The following SEL1L2 variants were observed in gnomAD, a reference collection of about 807,000 sequenced individuals.
SEL1L2 encodes protein sel-1 homolog 2.
Under a neutral mutation model 98.8 loss-of-function variants are expected in SEL1L2, and 89 were observed. The ratio of observed to expected loss-of-function variants is 0.90; its 90% confidence interval spans 0.76 to 1.07. The LOEUF is 1.07. SEL1L2 is among the 50% of genes least tolerant of loss of function. SEL1L2 has a pLI of 0.00. For missense variants in SEL1L2, 788 were observed against 812.0 expected, an observed-to-expected ratio of 0.97 and a Z score of 0.36; for synonymous variants, 262 against 278.5, an observed-to-expected ratio of 0.94 and a Z score of 0.59.
At chr20:13,945,352 A>C (rs1301205414) in intron 2 of SEL1L2, among the ~76,000 whole-genome samples, 1 of 152,070 alleles carries the variant, frequency 6.6e-6, no homozygotes, top group East Asian at 1.9e-4. Context: ...AAAACAATGT[A>C]TTTCCTGAAT....
At position 13,865,155 on chromosome 20, in the gene SEL1L2, T is replaced by G; in HGVS notation, c.1645+12A>C. On this transcript the variant is annotated intron_variant, in intron 17 of 19. Coordinates refer to ENST00000284951, the MANE Select transcript of SEL1L2 (RefSeq NM_025229.2). ...GACCGGGTATGTGCTTATTTTTATC[T>G]GGGTTCCATACCTTGAATGGCAGCT... is the stretch of plus-strand genomic sequence containing the variant. The G allele has an allele frequency of 6.2e-7, 1 of 1,603,842 alleles. No individual in the cohort carries two copies. Among genetic ancestry groups the G allele is most frequent in the Non-Finnish European group, 8.5e-7 (1 of 1,172,500 alleles).
Position 13,874,128 on chromosome 20 carries a change from C to G in SEL1L2, c.1104+1910G>C, listed in dbSNP as rs2046326587. 1.3e-5 allele frequency among the ~76,000 whole-genome samples: 2 copies of G among 152,152 alleles called. 1 individual carries two copies. The highest frequency in any genetic ancestry group is 4.1e-4 in the South Asian group (2 of 4,822). ...AGTATGGAGATGGGGACGGGCCTGA[C>G]ATGCTCAGGGCGCAAGAGAGAACTG... On this transcript the variant is annotated intron_variant, in intron 12 of 19. Transcript: ENST00000284951.
chr20:13,924,695 G>T (rs2148268637), intron 3 of SEL1L2, among the ~76,000 whole-genome samples: 1 of 152,110 alleles, frequency 6.6e-6, no homozygotes, highest in East Asian at 1.9e-4. Context: ...AAACTGCTAG[G>T]GTTACAGGCG....
chr20:13,991,147 G>C (rs1413583609), upstream of SEL1L2, among the ~76,000 whole-genome samples: 1 of 152,146 alleles, frequency 6.6e-6, no homozygotes, highest in African/African-American at 2.4e-5. Context: ...CATCTCACAA[G>C]TGGTACCTTC....
At chr20:13,993,071 G>A (rs560840801), upstream of SEL1L2, among the ~76,000 whole-genome samples, 164 of 152,266 alleles carry the variant, frequency 1.1e-3, no homozygotes, top group Non-Finnish European at 2.1e-3. Flanking sequence ...GTGAGAAGAC[G>A]TGATCACTTC....
At chr20:13,900,539 A>G (rs1335449658) in intron 5 of SEL1L2, among the ~76,000 whole-genome samples, 1 of 152,190 alleles carries the variant, frequency 6.6e-6, no homozygotes, top group Non-Finnish European at 1.5e-5. Context: ...ATGGCTGAGT[A>G]GGAGATGAAC....
intron 2 of SEL1L2, among the ~76,000 whole-genome samples, chr20:13,951,003 G>A (rs1302791753): frequency 3.3e-5 from 5 of 152,092 alleles, no homozygotes; most frequent in Non-Finnish European, 5.9e-5. Context: ...GAGGCCGGGC[G>A]CGGTGGCTCA....
At chr20:13,875,941 T>A (rs2046406629) in intron 12 of SEL1L2, 97 bp downstream of exon 12, 1 of 911,322 alleles carries the variant, frequency 1.1e-6, no homozygotes, top group Non-Finnish European at 1.8e-6. Context: ...GCCCATTATC[T>A]GGGCTTGGGA....
intron 9 of SEL1L2, 36 bp downstream of exon 9, chr20:13,886,252 A>G: frequency 1.3e-6 from 2 of 1,509,156 alleles, no homozygotes; most frequent in South Asian, 1.2e-5. Context: ...TGTAATTTTC[A>G]TGTTCTAAAA....
intron 1 of SEL1L2, among the ~76,000 whole-genome samples, chr20:13,966,437 G>A (rs1391864951): frequency 6.6e-6 from 1 of 152,050 alleles, no homozygotes; most frequent in East Asian, 1.9e-4. Context: ...TCCTGCCTCA[G>A]CCTCTTGAGT....
rs539879860 is a variant in SEL1L2 at position 13,888,582 on chromosome 20, A to G, written c.550-70T>C. The stretch of plus-strand genomic sequence containing the variant: ...TCCTAATTATCTATATGGATAAGGG[A>G]TATCTTAAATGTCTGCTTCATAATA... On this transcript the variant is annotated intron_variant, in intron 5 of 19. Transcript: ENST00000284951. 4.3e-4 allele frequency: 288 copies of G among 665,494 alleles called. 2 individuals carry two copies. In the South Asian group the frequency reaches 5.0e-3, roughly 11 times the overall value. 41.2% of individuals were successfully genotyped at this position (665,494 alleles called of 1,614,324 possible).
At chr20:13,855,436 G>T (rs1435972543) in intron 18 of SEL1L2, among the ~76,000 whole-genome samples, 2 of 152,050 alleles carry the variant, frequency 1.3e-5, no homozygotes, top group Non-Finnish European at 2.9e-5. Flanking sequence ...GGATAGAGGG[G>T]TGGGTAGGAC....
chr20:13,966,298 CTTCTTCTTCTTCCTCTTCT>C (rs2051038027), intron 1 of SEL1L2, among the ~76,000 whole-genome samples: 1 of 151,956 alleles, frequency 6.6e-6, no homozygotes, highest in African/African-American at 2.4e-5. Context: ...CTTGCCTCTT[CTTCTTCTTCTTCCTCTTCT>C]TTCTTCTTTC....
At position 13,888,143 on chromosome 20, in the gene SEL1L2, C is replaced by A. The variant is rs2148000400; in HGVS notation, c.604-142G>T. On this transcript the variant is annotated intron_variant, in intron 6 of 19. Coordinates refer to ENST00000284951, the MANE Select transcript of SEL1L2 (RefSeq NM_025229.2). ...TCCAAAATAAATTTCAAATTTCACT[C>A]TCCTTTGTAAAGATGTTTGCCATTT... 3 of 719,194 alleles carry A rather than the reference C, an allele frequency of 4.2e-6. No homozygotes were observed. The East Asian group carries it at 8.0e-5, about 19-fold the overall frequency. 44.6% of individuals were successfully genotyped at this position (719,194 alleles called of 1,614,324 possible).
At chr20:13,987,448 C>T (rs1220851444) in intron 1 of SEL1L2, among the ~76,000 whole-genome samples, 3 of 151,486 alleles carry the variant, frequency 2.0e-5, no homozygotes, top group Non-Finnish European at 4.4e-5. Context: ...GGGGTTCAAG[C>T]GATTCTCCTG....
rs574093589 is a variant in SEL1L2 at position 13,952,798 on chromosome 20, A to G, written c.114+3278T>C. Among the ~76,000 whole-genome samples, 47 of 152,304 alleles carry G rather than the reference A, an allele frequency of 3.1e-4. 1 individual carries two copies. In the South Asian group the frequency reaches 9.5e-3, roughly 31 times the overall value. ...GTAATCCCAGCACTTTGGGAGGCCAAGGCGGGCAGATCACGAGGTCAAAAG... is the reference window on the plus strand; with the variant it reads ...GTAATCCCAGCACTTTGGGAGGCCAGGGCGGGCAGATCACGAGGTCAAAAG... On this transcript the variant is annotated intron_variant, in intron 2 of 19. Transcript: ENST00000284951.
At position 13,887,869 on chromosome 20, in the gene SEL1L2, C is replaced by T. The variant is rs2047029444; in HGVS notation, c.664-19G>A. On this transcript the variant is annotated intron_variant, in intron 7 of 19. Coordinates refer to ENST00000284951, the MANE Select transcript of SEL1L2 (RefSeq NM_025229.2). ...TGTACCCCTAAAACACAGACAGATG[C>T]ATTCTTAATATTCAAGACAATGCTG... is the stretch of plus-strand genomic sequence containing the variant. 6.2e-7 allele frequency: 1 copy of T among 1,606,702 alleles called. No homozygotes were observed. The highest frequency in any genetic ancestry group is 1.3e-5 in the African/African-American group (1 of 74,830).
At chr20:13,898,350 C>A (rs1346847118) in intron 5 of SEL1L2, among the ~76,000 whole-genome samples, 2 of 152,170 alleles carry the variant, frequency 1.3e-5, no homozygotes, top group East Asian at 3.8e-4. Flanking sequence ...CTTTGAGACA[C>A]AGACACATTA....
chr20:13,902,686 A>C (rs2047735194), intron 5 of SEL1L2, among the ~76,000 whole-genome samples: 1 of 143,728 alleles, frequency 7.0e-6, no homozygotes, highest in Admixed American at 7.3e-5. Context: ...GACATTTTCC[A>C]AATTGCTGGT....
Sources: allele counts gnomAD v4.1 joint callset (sites outside exome capture counted in the v4.1 genomes callset), GRCh38; gene constraint gnomAD v4.1.1; transcripts MANE v1.5; gene names NCBI Gene and HGNC (gene_info 2026-07-23, HGNC 2026-07-21).